The following CDK14 variants were observed in gnomAD, a reference collection of about 807,000 sequenced individuals.
The protein encoded by CDK14 is cyclin dependent kinase 14.
A neutral mutation model predicts 60.7 loss-of-function variants in CDK14; 34 were observed. The observed-to-expected ratio is 0.56, with a 90% CI of 0.43 to 0.75. The LOEUF is 0.75. Among genes scored for constraint, CDK14 ranks in the 30% least tolerant of loss-of-function variants. The pLI is 0.00. For synonymous variants in CDK14, 197 were observed against 203.7 expected (o/e 0.97, Z 0.28); for missense variants, 482 against 564.1 (o/e 0.85, Z 1.47).
chr7:91,089,591 A>G (rs970031718), intron 12 of CDK14, among the ~76,000 whole-genome samples: 5 of 151,340 alleles, frequency 3.3e-5, no homozygotes, highest in Non-Finnish European at 7.4e-5. Context: ...AAAAACAGGC[A>G]ACTGTTTATC....
intron 5 of CDK14, among the ~76,000 whole-genome samples, chr7:90,816,173 C>A (rs1789347696): frequency 6.6e-6 from 1 of 152,162 alleles, no homozygotes; most frequent in Non-Finnish European, 1.5e-5. Flanking sequence ...GCTGAGCCTT[C>A]AAACGTAGAT....
At chr7:91,159,409 A>C (rs1801097078) in intron 14 of CDK14, among the ~76,000 whole-genome samples, 2 of 152,210 alleles carry the variant, frequency 1.3e-5, no homozygotes, top group South Asian at 4.1e-4. Flanking sequence ...CTACTGCCTC[A>C]GTGGTGAAAA....
intron 5 of CDK14, among the ~76,000 whole-genome samples, chr7:90,852,598 T>G (rs529032856): frequency 3.9e-5 from 6 of 152,306 alleles, no homozygotes; most frequent in Non-Finnish European, 7.4e-5. Flanking sequence ...TTTCTTAGAT[T>G]AAATATCTCA....
rs531328017 is a variant in CDK14 at position 90,925,909 on chromosome 7, A to G, written c.826+8185A>G. 2.0e-5 allele frequency among the ~76,000 whole-genome samples: 3 copies of G among 152,328 alleles called. No individual in the cohort carries two copies. The East Asian group carries it at 5.8e-4, about 29-fold the overall frequency. ...ATAAGAGAAAAGCAAATCCTTTTAC[A>G]TTGACATTTTCAGATTTTTTAAATT... On this transcript the variant is annotated intron_variant, in intron 8 of 14. Coordinates refer to ENST00000380050, the MANE Select transcript of CDK14 (RefSeq NM_001287135.2).
At chr7:91,041,583 C>CT (rs1797091905) in intron 10 of CDK14, among the ~76,000 whole-genome samples, 2 of 152,214 alleles carry the variant, frequency 1.3e-5, no homozygotes, top group Admixed American at 1.3e-4. Flanking sequence ...AAAGATGTAA[C>CT]TTGAACAACA....
At chr7:90,913,121 A>T (rs1459485930) in intron 7 of CDK14, among the ~76,000 whole-genome samples, 1 of 152,154 alleles carries the variant, frequency 6.6e-6, no homozygotes, top group African/African-American at 2.4e-5. Flanking sequence ...CTGGTTTTTC[A>T]TAGAAGATCA....
intron 8 of CDK14, among the ~76,000 whole-genome samples, chr7:90,933,875 A>G (rs1793673479): frequency 6.6e-6 from 1 of 152,260 alleles, no homozygotes; most frequent in Non-Finnish European, 1.5e-5. Flanking sequence ...AAAGCTGGAG[A>G]GTAGATTGTC....
At chr7:91,173,479 C>T (rs561868471) in intron 14 of CDK14, among the ~76,000 whole-genome samples, 9 of 152,152 alleles carry the variant, frequency 5.9e-5, no homozygotes, top group East Asian at 1.9e-4. Flanking sequence ...GGAACAGCTC[C>T]GGTCTATAGC....
At chr7:91,092,844 A>G (rs191194441) in intron 12 of CDK14, among the ~76,000 whole-genome samples, 107 of 152,340 alleles carry the variant, frequency 7.0e-4, no homozygotes, top group Non-Finnish European at 1.1e-3. Context: ...TCCTTAAATT[A>G]CACATTCACA....
intron 11 of CDK14, among the ~76,000 whole-genome samples, chr7:91,050,735 A>G (rs1236286184): frequency 4.6e-5 from 7 of 152,236 alleles, no homozygotes; most frequent in African/African-American, 1.7e-4. Flanking sequence ...CAGGATCTGC[A>G]GGCTGTACAA....
At chr7:90,757,573 C>G (rs1387196306) in intron 4 of CDK14, among the ~76,000 whole-genome samples, 1 of 151,844 alleles carries the variant, frequency 6.6e-6, no homozygotes, top group East Asian at 1.9e-4. Flanking sequence ...ATTTATTTGC[C>G]CCATCAAGAG....
intron 4 of CDK14, among the ~76,000 whole-genome samples, chr7:90,789,278 C>T (rs778227150): frequency 1.3e-5 from 2 of 151,964 alleles, no homozygotes; most frequent in Non-Finnish European, 2.9e-5. Context: ...TTTATGTCAC[C>T]AAAATATGTT....
At chr7:90,998,410 A>G (rs1183416775) in intron 10 of CDK14, among the ~76,000 whole-genome samples, 1 of 152,218 alleles carries the variant, frequency 6.6e-6, no homozygotes, top group African/African-American at 2.4e-5. Context: ...TTGAGGTAAT[A>G]GTAAGATTGT....
At chr7:90,852,695 C>T (rs1283676270) in intron 5 of CDK14, among the ~76,000 whole-genome samples, 2 of 152,110 alleles carry the variant, frequency 1.3e-5, no homozygotes, top group African/African-American at 4.8e-5. Context: ...ACAAGGAGGA[C>T]AGGTACAAGT....
intron 10 of CDK14, among the ~76,000 whole-genome samples, chr7:91,030,717 A>G (rs1796737275): frequency 6.6e-6 from 1 of 152,206 alleles, no homozygotes; most frequent in Non-Finnish European, 1.5e-5. Flanking sequence ...CTAAAAATGC[A>G]GAGGAAACTA....
intron 5 of CDK14, among the ~76,000 whole-genome samples, chr7:90,859,685 C>A (rs1790941386): frequency 6.6e-6 from 1 of 152,106 alleles, no homozygotes; most frequent in African/African-American, 2.4e-5. Context: ...GAATCCCCAA[C>A]CAGTGTGATA....
intron 6 of CDK14, among the ~76,000 whole-genome samples, chr7:90,873,288 C>G (rs1791437000): frequency 6.6e-6 from 1 of 152,152 alleles, no homozygotes; most frequent in Non-Finnish European, 1.5e-5. Flanking sequence ...CAGTTACCTT[C>G]ACATTAAGTC....
At chr7:91,064,243 GTTC>G (rs1797901675) in intron 11 of CDK14, among the ~76,000 whole-genome samples, 2 of 152,032 alleles carry the variant, frequency 1.3e-5, no homozygotes, top group Non-Finnish European at 2.9e-5. Context: ...TGATCTGTTT[GTTC>G]TGCTACTAGC....
At chr7:91,127,390 G>C (rs1799984483) in intron 14 of CDK14, among the ~76,000 whole-genome samples, 1 of 152,166 alleles carries the variant, frequency 6.6e-6, no homozygotes, top group Non-Finnish European at 1.5e-5. Flanking sequence ...GAAGCGGATA[G>C]AGATGGGCAA....
Sources: gnomAD v4.1 joint callset for allele counts (sites outside exome capture counted in the v4.1 genomes callset) on GRCh38, gnomAD v4.1.1 for gene constraint, MANE v1.5 for transcripts, NCBI Gene and HGNC (gene_info 2026-07-23, HGNC 2026-07-21) for gene names.